C1orf21: variants seen among roughly 807,000 people sequenced by gnomAD.
C1orf21 encodes chromosome 1 open reading frame 21.
A neutral mutation model predicts 18.7 loss-of-function variants in C1orf21; 3 were observed. That is an observed-to-expected ratio of 0.16 (90% CI 0.07 to 0.42). The LOEUF is 0.42. C1orf21 is among the 10% of genes least tolerant of loss of function. The probability of loss-of-function intolerance (pLI) is 0.99; values close to 1 mark genes in which losing one functional copy is unlikely to be tolerated. For missense variants in C1orf21, 104 were observed against 143.6 expected, an observed-to-expected ratio of 0.72 and a Z score of 1.41; for synonymous variants, 41 against 46.4, an observed-to-expected ratio of 0.88 and a Z score of 0.47.
intron 1 of C1orf21, among the ~76,000 whole-genome samples, chr1:184,462,693 G>A (rs970857276): frequency 2.6e-5 from 4 of 152,254 alleles, no homozygotes; most frequent in African/African-American, 9.6e-5. Flanking sequence ...TAAGTAGTTA[G>A]ATACAGTGCA....
intron 1 of C1orf21, among the ~76,000 whole-genome samples, chr1:184,418,126 A>G (rs1474214046): frequency 1.3e-5 from 2 of 152,024 alleles, no homozygotes; most frequent in Non-Finnish European, 2.9e-5. Flanking sequence ...TTTTGCTCAT[A>G]GATCCTGTCT....
chr1:184,607,721 GTA>G lies in C1orf21; in HGVS notation c.327+9269_327+9270del, dbSNP rs1214524406. On this transcript the variant is annotated intron_variant, in intron 5 of 5. Transcript: ENST00000235307. The stretch of plus-strand genomic sequence containing the variant: ...TATATATATACACATATATGTGTGT[GTA>G]TATATATACATATATATGTGTGTGT... 4.7e-5 allele frequency among the ~76,000 whole-genome samples: 7 copies of G among 149,950 alleles called. No homozygotes were observed. In the South Asian group the frequency reaches 1.3e-3, roughly 27 times the overall value.
chr1:184,526,453 G>T (rs1306057543), intron 3 of C1orf21, among the ~76,000 whole-genome samples: 1 of 152,082 alleles, frequency 6.6e-6, no homozygotes, highest in African/African-American at 2.4e-5. Flanking sequence ...TTTTACTTGG[G>T]ATCATTAGTG....
intron 5 of C1orf21, among the ~76,000 whole-genome samples, chr1:184,602,229 T>C (rs1016056885): frequency 6.6e-6 from 1 of 152,204 alleles, no homozygotes; most frequent in African/African-American, 2.4e-5. Context: ...CTTCAGGTCC[T>C]TTAACCAGGG....
At chr1:184,411,775 A>G (rs1656359498) in intron 1 of C1orf21, among the ~76,000 whole-genome samples, 1 of 152,220 alleles carries the variant, frequency 6.6e-6, no homozygotes, top group South Asian at 2.1e-4. Flanking sequence ...ATGTTCTGTC[A>G]TAAACTTGAA....
At chr1:184,556,565 A>G (rs556797429) in intron 3 of C1orf21, among the ~76,000 whole-genome samples, 1 of 152,326 alleles carries the variant, frequency 6.6e-6, no homozygotes, top group South Asian at 2.1e-4. Context: ...CATTGTGACC[A>G]CTGCCCATTA....
intron 2 of C1orf21, among the ~76,000 whole-genome samples, chr1:184,490,345 T>G (rs1231722975): frequency 6.6e-6 from 1 of 152,118 alleles, no homozygotes; most frequent in Non-Finnish European, 1.5e-5. Flanking sequence ...AGGCAAAAGG[T>G]CTCTTTTTCC....
rs1382039066 is a variant in C1orf21 at position 184,387,896 on chromosome 1, T to C, written c.-125+528T>C. ...GTGTGGGTGGTTTGACCCCCGGGAT[T>C]TCTGAAGTTTTGACCTTTTTGGGGT... is the stretch of plus-strand genomic sequence containing the variant. On this transcript the variant is annotated intron_variant, in intron 1 of 5. Transcript: ENST00000235307. This position sits in a 1 kb window ranked among gnomAD's most constrained non-coding sequence, Gnocchi z 5.6. Among the ~76,000 whole-genome samples, 1 of 152,208 alleles carries C rather than the reference T, an allele frequency of 6.6e-6. No individual in the cohort carries two copies. Among genetic ancestry groups the C allele is most frequent in the African/African-American group, 2.4e-5 (1 of 41,460 alleles).
At chr1:184,582,932 G>A (rs911333416) in intron 3 of C1orf21, among the ~76,000 whole-genome samples, 1 of 152,060 alleles carries the variant, frequency 6.6e-6, no homozygotes, top group East Asian at 1.9e-4. Flanking sequence ...TCCATCTCCC[G>A]GTTTCAAGAG....
At position 184,625,421 on chromosome 1, in the gene C1orf21, T is replaced by G. The variant is rs1427014256; in HGVS notation, c.*5865T>G. Reference sequence around the variant, plus strand: ...AGCAAAGAAAGTTTTGCAATAGATTTCAAGCCAGTTTTTCCATTCAAACCA... The same window carrying G: ...AGCAAAGAAAGTTTTGCAATAGATTGCAAGCCAGTTTTTCCATTCAAACCA... On this transcript the variant is annotated 3_prime_UTR_variant, in exon 6 of 6. Transcript: ENST00000235307. 6.6e-6 allele frequency: 1 copy of G among 152,612 alleles called. No individual in the cohort carries two copies. Among genetic ancestry groups the G allele is most frequent in the Non-Finnish European group, 1.5e-5 (1 of 68,040 alleles). The allele number at this position is 152,612 out of a possible 1,614,324, so 9.5% of individuals were successfully genotyped here. A position where few individuals can be genotyped will look rare whatever the true frequency, so the allele number is the denominator to read the frequency against.
intron 1 of C1orf21, among the ~76,000 whole-genome samples, chr1:184,423,851 C>T (rs1228660974): frequency 6.8e-6 from 1 of 146,586 alleles, no homozygotes; most frequent in African/African-American, 2.6e-5. Context: ...CTCATCCATC[C>T]ACCCATCGTC....
At chr1:184,528,784 A>G (rs988134930) in intron 3 of C1orf21, among the ~76,000 whole-genome samples, 20 of 152,188 alleles carry the variant, frequency 1.3e-4, no homozygotes, top group African/African-American at 4.8e-4. Context: ...AGCACATCAA[A>G]TTGATTTTCC....
intron 5 of C1orf21, among the ~76,000 whole-genome samples, chr1:184,612,687 CA>C (rs200017191): frequency 6.6e-6 from 1 of 151,094 alleles, no homozygotes; most frequent in Non-Finnish European, 1.5e-5. Flanking sequence ...TCTCAAAAAA[CA>C]AAAAAAAGCC....
At chr1:184,483,118 G>T (rs1021153763) in intron 2 of C1orf21, among the ~76,000 whole-genome samples, 1 of 152,190 alleles carries the variant, frequency 6.6e-6, no homozygotes, top group East Asian at 1.9e-4. Context: ...CCCTTTCAGA[G>T]GTCAGATCCA....
At chr1:184,480,236 A>G (rs891915990) in intron 2 of C1orf21, among the ~76,000 whole-genome samples, 4 of 152,210 alleles carry the variant, frequency 2.6e-5, no homozygotes, top group African/African-American at 9.6e-5. Context: ...CTAAACTGGA[A>G]AAGGAACAGC....
intron 2 of C1orf21, among the ~76,000 whole-genome samples, chr1:184,477,852 T>C (rs1181310365): frequency 2.6e-5 from 4 of 152,200 alleles, no homozygotes; most frequent in Non-Finnish European, 5.9e-5. Flanking sequence ...TTTTTAACTA[T>C]AGTCACCCTA....
At chr1:184,550,067 A>C (rs1428461819) in intron 3 of C1orf21, among the ~76,000 whole-genome samples, 1 of 152,196 alleles carries the variant, frequency 6.6e-6, no homozygotes, top group East Asian at 1.9e-4. Flanking sequence ...CAGTGTTCTC[A>C]GCATGTTTAA....
intron 1 of C1orf21, among the ~76,000 whole-genome samples, chr1:184,462,792 T>G (rs1442604761): frequency 6.6e-6 from 1 of 152,080 alleles, no homozygotes; most frequent in Non-Finnish European, 1.5e-5. Context: ...AGAAGAATTA[T>G]AGTGTTCGGC....
intron 1 of C1orf21, among the ~76,000 whole-genome samples, chr1:184,390,157 C>T (rs1421250443): frequency 1.3e-5 from 2 of 152,184 alleles, no homozygotes; most frequent in Non-Finnish European, 2.9e-5. Flanking sequence ...TTCTTAGAAC[C>T]AAATATAAAG....
Sources: gnomAD v4.1 joint callset for allele counts (sites outside exome capture counted in the v4.1 genomes callset) on GRCh38, gnomAD v4.1.1 for gene constraint, Gnocchi (gnomAD v3.1) non-coding constraint, MANE v1.5 for transcripts, NCBI Gene and HGNC (gene_info 2026-07-23, HGNC 2026-07-21) for gene names.